MARK1: variants seen among roughly 807,000 people sequenced by gnomAD.
The protein encoded by MARK1 is microtubule affinity regulating kinase 1.
In MARK1, 40 loss-of-function variants were observed where a neutral mutation model predicts 96.3. The observed-to-expected ratio is 0.42, with a 90% CI of 0.32 to 0.54. MARK1 has a LOEUF of 0.54. Ranked by LOEUF, MARK1 falls within the 20% of genes least tolerant of loss-of-function variation. MARK1 has a pLI of 0.16. For missense variants in MARK1, 719 were observed against 984.6 expected, an observed-to-expected ratio of 0.73 and a Z score of 3.61; for synonymous variants, 317 against 341.2, an observed-to-expected ratio of 0.93 and a Z score of 0.78.
chr1:220,655,036 G>T (rs545972862), intron 16 of MARK1, among the ~76,000 whole-genome samples: 21 of 152,304 alleles, frequency 1.4e-4, no homozygotes, highest in African/African-American at 5.1e-4. Flanking sequence ...TGAGACTGAT[G>T]GGTCTCCTGC....
intron 9 of MARK1, among the ~76,000 whole-genome samples, chr1:220,623,462 C>T (rs1158223852): frequency 6.6e-6 from 1 of 152,284 alleles, no homozygotes; most frequent in African/African-American, 2.4e-5. Context: ...GATCTTCTTT[C>T]CAACCTTTAT....
At chr1:220,615,572 T>G (rs931187076) in intron 6 of MARK1, among the ~76,000 whole-genome samples, 3 of 152,302 alleles carry the variant, frequency 2.0e-5, no homozygotes, top group Non-Finnish European at 4.4e-5. Context: ...CTTAAAATAC[T>G]AATTCATGTG....
At chr1:220,588,328 CT>C (rs1223567408) in intron 3 of MARK1, among the ~76,000 whole-genome samples, 4 of 152,082 alleles carry the variant, frequency 2.6e-5, no homozygotes, top group Non-Finnish European at 5.9e-5. Context: ...GACTTATAAT[CT>C]TCTTATAAGA....
In MARK1 at chr1:220,618,536, A is replaced by G. The variant is rs1422889189; in HGVS notation, c.779A>G (p.Gln260Arg). The change falls in exon 8 of 18, where the codon CAG (glutamine) becomes CGG (arginine). Residue 260 changes from glutamine to arginine, a missense_variant. Physicochemically the swap from Gln to Arg is conservative, Grantham distance 43. This residue lies in a region of MARK1 where 96 missense variants were observed against 213.1 expected (regional missense o/e 0.45). Transcript: ENST00000366917. The surrounding 1 kb of genome is among the most constrained non-coding windows in gnomAD (Gnocchi z 4.6). Reference protein sequence around the residue: ...LVSGSLPFDGQNLKELRERVL... With the variant: ...LVSGSLPFDGRNLKELRERVL... ...AGTGGCTCCTTGCCTTTCGATGGCCAGAATTTAAAGGTATCAGCTAAATTC... is the reference window on the plus strand; with the variant it reads ...AGTGGCTCCTTGCCTTTCGATGGCCGGAATTTAAAGGTATCAGCTAAATTC... The G allele has an allele frequency of 6.2e-7, 1 of 1,614,110 alleles. No homozygotes were observed. The highest frequency in any genetic ancestry group is 1.3e-5 in the African/African-American group (1 of 75,054).
intron 6 of MARK1, among the ~76,000 whole-genome samples, chr1:220,614,081 T>C (rs1666605190): frequency 6.6e-6 from 1 of 152,058 alleles, no homozygotes; most frequent in Non-Finnish European, 1.5e-5. Flanking sequence ...GAACATGGCA[T>C]ACTGCAACCT....
chr1:220,636,751 G>T (rs559958904), intron 13 of MARK1, among the ~76,000 whole-genome samples: 1 of 151,886 alleles, frequency 6.6e-6, no homozygotes, highest in Non-Finnish European at 1.5e-5. Context: ...CAGAGTCAGC[G>T]CAGACGACCT....
chr1:220,574,240 A>T (rs1271657115), intron 1 of MARK1, among the ~76,000 whole-genome samples: 1 of 152,218 alleles, frequency 6.6e-6, no homozygotes, highest in East Asian at 1.9e-4. Context: ...TCAAACTTCA[A>T]ATTCAGCCTG....
intron 1 of MARK1, among the ~76,000 whole-genome samples, chr1:220,559,411 G>A (rs1009604688): frequency 2.0e-5 from 3 of 152,162 alleles, no homozygotes; most frequent in Non-Finnish European, 2.9e-5. Flanking sequence ...GTGGGTTGAA[G>A]TAAACACAGA....
chr1:220,566,168 G>A (rs1273051288), intron 1 of MARK1, among the ~76,000 whole-genome samples: 1 of 152,172 alleles, frequency 6.6e-6, no homozygotes, highest in African/African-American at 2.4e-5. Flanking sequence ...GACATTGTCA[G>A]TGTTGAGTAA....
intron 9 of MARK1, among the ~76,000 whole-genome samples, chr1:220,628,761 A>C (rs1394077315): frequency 6.6e-6 from 1 of 152,110 alleles, no homozygotes; most frequent in Non-Finnish European, 1.5e-5. Context: ...CCTTCCAAGA[A>C]AATATGAATT....
intron 1 of MARK1, among the ~76,000 whole-genome samples, chr1:220,540,207 G>T (rs1423207314): frequency 6.6e-6 from 1 of 152,164 alleles, no homozygotes; most frequent in East Asian, 1.9e-4. Context: ...AGGCCATGAA[G>T]TGTCACAGTA....
chr1:220,624,415 C>T (rs2102986913), intron 9 of MARK1, among the ~76,000 whole-genome samples: 1 of 151,712 alleles, frequency 6.6e-6, no homozygotes, highest in African/African-American at 2.4e-5. Flanking sequence ...GCCTGACCGA[C>T]ATGGAGAAAC....
chr1:220,626,199 C>T (rs1667320225), intron 9 of MARK1: 4 of 566,240 alleles, frequency 7.1e-6, no homozygotes, highest in Admixed American at 2.1e-5. Flanking sequence ...ACATCAATGA[C>T]ATTGTCTTGG....
intron 1 of MARK1, among the ~76,000 whole-genome samples, chr1:220,576,446 C>A: frequency 6.6e-6 from 1 of 150,740 alleles, no homozygotes; most frequent in African/African-American, 2.4e-5. Flanking sequence ...AATCACTTGA[C>A]TAAACCCAAA....
chr1:220,533,367 C>T (rs1397257991), intron 1 of MARK1, among the ~76,000 whole-genome samples: 5 of 146,366 alleles, frequency 3.4e-5, no homozygotes, highest in African/African-American at 7.7e-5. Context: ...GCTATTATTA[C>T]GTCTTTTTTT....
chr1:220,627,879 C>G lies in MARK1; in HGVS notation c.910-3156C>G, dbSNP rs530140546. On this transcript the variant is annotated intron_variant, in intron 9 of 17. Transcript: ENST00000366917. ...GTAACATCAGCCATTTTTAGATTGG[C>G]TCTGTCCTCATACCTTCCCAGTGGC... 2.0e-5 allele frequency: 3 copies of G among 153,054 alleles called. No homozygotes were observed. In the East Asian group the frequency reaches 5.8e-4, roughly 29 times the overall value. The allele number at this position is 153,054 out of a possible 1,614,324, so 9.5% of individuals were successfully genotyped here. A position where few individuals can be genotyped will look rare whatever the true frequency, so the allele number is the denominator to read the frequency against.
intron 9 of MARK1, chr1:220,626,305 G>T (rs1667329779): frequency 1.8e-6 from 1 of 544,060 alleles, no homozygotes; most frequent in African/African-American, 1.9e-5. Context: ...CTATACCACA[G>T]ACTGGGTCAT....
At chr1:220,638,062 C>T (rs1292647451) in intron 13 of MARK1, among the ~76,000 whole-genome samples, 1 of 151,918 alleles carries the variant, frequency 6.6e-6, no homozygotes, top group African/African-American at 2.4e-5. Flanking sequence ...ATGGATAAAA[C>T]CACTTAGCTT....
intron 15 of MARK1, 91 bp from the exon 16 acceptor site, chr1:220,653,010 G>A: frequency 7.0e-7 from 1 of 1,423,264 alleles, no homozygotes; most frequent in Non-Finnish European, 9.7e-7. Context: ...GCCAAAAGAA[G>A]TAGCCATAGC....
Sources: allele counts gnomAD v4.1 joint callset (sites outside exome capture counted in the v4.1 genomes callset), GRCh38; gene constraint gnomAD v4.1.1; regional missense constraint gnomAD v4.1.1; non-coding constraint Gnocchi (gnomAD v3.1); transcripts MANE v1.5; gene names NCBI Gene and HGNC (gene_info 2026-07-23, HGNC 2026-07-21).